OSBP2: variants seen among roughly 807,000 people sequenced by gnomAD.
OSBP2 encodes oxysterol-binding protein 2.
OSBP2 carries 66 observed loss-of-function variants against 96.0 expected under a neutral mutation model. The ratio of observed to expected loss-of-function variants is 0.69; its 90% CI spans 0.56 to 0.84. OSBP2 has a LOEUF of 0.84. Ranked by LOEUF, OSBP2 falls within the 40% of genes least tolerant of loss-of-function variation. OSBP2 has a pLI of 0.00. For synonymous variants in OSBP2, 525 were observed against 520.9 expected, an observed-to-expected ratio of 1.01 and a Z score of -0.11; for missense variants, 1,038 against 1,222.7, an observed-to-expected ratio of 0.85 and a Z score of 2.25.
At chr22:30,800,489 G>A (rs2090834334) in intron 2 of OSBP2, among the ~76,000 whole-genome samples, 1 of 152,218 alleles carries the variant, frequency 6.6e-6, no homozygotes, top group African/African-American at 2.4e-5. Flanking sequence ...GCTGGGCTGG[G>A]AGGGCGGACG....
chr22:30,869,850 C>T (rs2147107414), intron 2 of OSBP2, among the ~76,000 whole-genome samples: 1 of 152,266 alleles, frequency 6.6e-6, no homozygotes, highest in East Asian at 1.9e-4. Flanking sequence ...AGGTTCCATG[C>T]AGTGGGGACA....
At chr22:30,782,601 G>T (rs1426349121) in intron 2 of OSBP2, among the ~76,000 whole-genome samples, 1 of 152,192 alleles carries the variant, frequency 6.6e-6, no homozygotes, top group Non-Finnish European at 1.5e-5. Flanking sequence ...CGTCACTAGT[G>T]TGTTGCTTTT....
In OSBP2 at chr22:30,766,717, C is replaced by G. The variant is rs141062564; in HGVS notation, c.853+25348C>G. On this transcript the variant is annotated intron_variant, in intron 2 of 13. Transcript: ENST00000332585. The stretch of plus-strand genomic sequence containing the variant: ...AGGAGCGAGGGAGTCCATGTTTCCC[C>G]TCCATGACGCCGGGACAGGAAGCTA... Among the ~76,000 whole-genome samples the G allele has an allele frequency of 3.3e-3, 503 of 152,296 alleles. 1 individual carries two copies. Among genetic ancestry groups the G allele is most frequent in the African/African-American group, 0.011 (452 of 41,558 alleles).
intron 1 of OSBP2, among the ~76,000 whole-genome samples, chr22:30,707,897 T>C (rs866051546): frequency 8.8e-4 from 134 of 151,870 alleles, no homozygotes; most frequent in African/African-American, 1.4e-3. Flanking sequence ...TTTTTTCTTT[T>C]TTTTTTTGAG....
Position 30,890,680 on chromosome 22 carries a change from C to T in OSBP2, c.1624-48C>T, listed in dbSNP as rs752340030. On this transcript the variant is annotated intron_variant, in intron 7 of 13. Transcript: ENST00000332585. The surrounding 1 kb of genome is among the most constrained non-coding windows in gnomAD (Gnocchi z 4.4). ...TCCGAGAAAAGCAAGGGCACCATGC[C>T]AAGCCGGGGCTGGTGCCCAGCCTGA... is the stretch of plus-strand genomic sequence containing the variant. 35 of 1,598,670 alleles carry T rather than the reference C, an allele frequency of 2.2e-5. No individual in the cohort carries two copies. In the East Asian group the frequency reaches 6.9e-4, roughly 32 times the overall value.
Position 30,880,819 on chromosome 22 carries a change from C to T in OSBP2, c.1108-6607C>T, listed in dbSNP as rs188921110. Reference sequence around the variant, plus strand: ...TGCATCTGGGCAAAGGTTTCCAGGTCAGAGATGCTCAATGTCTGTCCCATG... The same window carrying T: ...TGCATCTGGGCAAAGGTTTCCAGGTTAGAGATGCTCAATGTCTGTCCCATG... On this transcript the variant is annotated intron_variant, in intron 3 of 13. Transcript: ENST00000332585. 6.6e-5 allele frequency among the ~76,000 whole-genome samples: 10 copies of T among 152,318 alleles called. No homozygotes were observed. In the East Asian group the frequency reaches 1.7e-3, roughly 26 times the overall value.
chr22:30,868,098 C>T (rs1040436125), intron 2 of OSBP2, among the ~76,000 whole-genome samples: 18 of 152,246 alleles, frequency 1.2e-4, no homozygotes, highest in Middle Eastern at 3.2e-3. Context: ...ATCTACCTCA[C>T]GGGGTCTTCG....
intron 4 of OSBP2, 111 bp downstream of exon 4, chr22:30,887,729 T>A: frequency 1.1e-6 from 1 of 922,844 alleles, no homozygotes; most frequent in Non-Finnish European, 1.6e-6. Flanking sequence ...ACATGTGGGC[T>A]GGCCTTGGCC....
chr22:30,797,290 TA>T (rs1350882794), intron 2 of OSBP2, among the ~76,000 whole-genome samples: 1 of 152,236 alleles, frequency 6.6e-6, no homozygotes, highest in Non-Finnish European at 1.5e-5. Flanking sequence ...TTTATTATTT[TA>T]TTTTTTTTGA....
intron 2 of OSBP2, among the ~76,000 whole-genome samples, chr22:30,859,029 C>T (rs2039150659): frequency 6.6e-6 from 1 of 152,102 alleles, no homozygotes; most frequent in Non-Finnish European, 1.5e-5. Context: ...GATGCAGCCC[C>T]TACCCCTTCA....
chr22:30,861,728 G>A (rs573656378), intron 2 of OSBP2, among the ~76,000 whole-genome samples: 45 of 152,200 alleles, frequency 3.0e-4, no homozygotes, highest in African/African-American at 1.1e-3. Context: ...CCCCCACAGG[G>A]CCCACTTTGG....
intron 2 of OSBP2, among the ~76,000 whole-genome samples, chr22:30,789,689 G>A (rs1288846428): frequency 1.3e-5 from 2 of 152,340 alleles, no homozygotes; most frequent in Non-Finnish European, 2.9e-5. Context: ...TAAGAGGGAA[G>A]AAAATGGTTT....
intron 1 of OSBP2, among the ~76,000 whole-genome samples, chr22:30,725,087 A>T (rs1483484889): frequency 6.6e-6 from 1 of 151,518 alleles, no homozygotes; most frequent in Non-Finnish European, 1.5e-5. Context: ...GAGGCAGGAG[A>T]ATGGCGTGAA....
chr22:30,827,037 G>A (rs2038420056), intron 2 of OSBP2, among the ~76,000 whole-genome samples: 1 of 152,222 alleles, frequency 6.6e-6, no homozygotes, highest in Non-Finnish European at 1.5e-5. Flanking sequence ...TGTATTGGAG[G>A]ATGAGTAAGT....
intron 3 of OSBP2, among the ~76,000 whole-genome samples, chr22:30,887,093 C>G (rs1211678160): frequency 6.6e-6 from 1 of 152,146 alleles, no homozygotes; most frequent in Non-Finnish European, 1.5e-5. Context: ...GGATGACTTC[C>G]TGATGTTGCC....
intron 2 of OSBP2, among the ~76,000 whole-genome samples, chr22:30,759,292 G>C (rs1051748181): frequency 6.6e-6 from 1 of 152,144 alleles, no homozygotes; most frequent in East Asian, 1.9e-4. Flanking sequence ...AGCTTGCAGT[G>C]AGCCGAGATT....
At chr22:30,713,173 G>A (rs1424171287) in intron 1 of OSBP2, among the ~76,000 whole-genome samples, 4 of 151,484 alleles carry the variant, frequency 2.6e-5, no homozygotes, top group African/African-American at 9.7e-5. Flanking sequence ...CCGCCTCCTG[G>A]GTTCACGCCA....
At chr22:30,725,337 G>C (rs1447249609) in intron 1 of OSBP2, among the ~76,000 whole-genome samples, 13 of 151,844 alleles carry the variant, frequency 8.6e-5, no homozygotes, top group Non-Finnish European at 2.9e-5. Context: ...GTGAAACCCT[G>C]TCTCTACTAA....
intron 2 of OSBP2, among the ~76,000 whole-genome samples, chr22:30,821,915 G>T (rs1380429221): frequency 6.6e-6 from 1 of 152,214 alleles, no homozygotes; most frequent in East Asian, 1.9e-4. Context: ...TAACTTACTG[G>T]TTATGCCTGT....
Sources: allele counts gnomAD v4.1 joint callset (sites outside exome capture counted in the v4.1 genomes callset), GRCh38; gene constraint gnomAD v4.1.1; non-coding constraint Gnocchi (gnomAD v3.1); transcripts MANE v1.5; gene names NCBI Gene and HGNC (gene_info 2026-07-23, HGNC 2026-07-21).